PLCH2: variants seen among roughly 807,000 people sequenced by gnomAD.
The protein encoded by PLCH2 is phospholipase C eta 2.
Under a neutral mutation model 134.7 loss-of-function variants are expected in PLCH2, and 98 were observed. That is an observed-to-expected ratio of 0.73 (90% CI 0.62 to 0.86). The LOEUF is 0.86. Ranked by LOEUF, PLCH2 falls within the 40% of genes least tolerant of loss-of-function variation. PLCH2 has a pLI of 0.00. For missense variants in PLCH2, 1,994 were observed against 1,986.6 expected, an observed-to-expected ratio of 1.00 and a Z score of -0.07; for synonymous variants, 974 against 827.5, an observed-to-expected ratio of 1.18 and a Z score of -3.04.
At chr1:2,475,450 G>A (rs1159702268), upstream of PLCH2, among the ~76,000 whole-genome samples, 1 of 152,234 alleles carries the variant, frequency 6.6e-6, no homozygotes, top group Non-Finnish European at 1.5e-5. Flanking sequence ...CATTCCCACA[G>A]CTGCCCCTGG....
At chr1:2,425,246 AACAC>A (rs908497967), upstream of PLCH2, among the ~76,000 whole-genome samples, 6 of 143,728 alleles carry the variant, frequency 4.2e-5, no homozygotes, top group East Asian at 1.9e-4. Flanking sequence ...ACACATATGT[AACAC>A]ACACATACAT....
chr1:2,488,569 C>A (rs891207344), intron 8 of PLCH2, among the ~76,000 whole-genome samples: 1 of 152,268 alleles, frequency 6.6e-6, no homozygotes, highest in Admixed American at 6.5e-5. Flanking sequence ...CTCTGGGTCA[C>A]TTACATTTTC....
rs930508209 is a variant in PLCH2 at position 2,448,271 on chromosome 1, T to C, written c.115+17642T>C. ...CCGCACGCTTATTCTCTCGCAGTCCTGGAGGCTGGAAGTCTGAGGTCAGGG... is the reference window on the plus strand; with the variant it reads ...CCGCACGCTTATTCTCTCGCAGTCCCGGAGGCTGGAAGTCTGAGGTCAGGG... On this transcript the variant is annotated intron_variant, in intron 2 of 3. Transcript: ENST00000609981. The surrounding 1 kb of genome is among the most constrained non-coding windows in gnomAD (Gnocchi z 4.0). Among the ~76,000 whole-genome samples the C allele has an allele frequency of 8.5e-5, 13 of 152,162 alleles. No homozygotes were observed. The highest frequency in any genetic ancestry group is 3.1e-4 in the African/African-American group (13 of 41,430).
At chr1:2,432,122 G>A (rs779536064) in intron 2 of PLCH2, among the ~76,000 whole-genome samples, 1 of 152,194 alleles carries the variant, frequency 6.6e-6, no homozygotes, top group Non-Finnish European at 1.5e-5. Context: ...TGGGACTCAC[G>A]GCCATGGCTG....
chr1:2,501,671 G>A (rs113714869), intron 20 of PLCH2: 161 of 170,118 alleles, frequency 9.5e-4, no homozygotes, highest in African/African-American at 3.7e-3. Context: ...GCCTGAGGGT[G>A]GGGCACACAC....
intron 21 of PLCH2, chr1:2,503,238 C>A: frequency 1.8e-6 from 1 of 564,038 alleles, no homozygotes; most frequent in Non-Finnish European, 3.2e-6. Flanking sequence ...GGCGCTTCCC[C>A]AAACTCACCT....
In PLCH2 at chr1:2,489,673, C is replaced by T. The variant is rs968842245; in HGVS notation, c.1408-87C>T. 4.2e-5 allele frequency: 46 copies of T among 1,103,132 alleles called. 1 individual carries two copies. In the South Asian group the frequency reaches 5.4e-4, roughly 13 times the overall value. 68.3% of individuals were successfully genotyped at this position (1,103,132 alleles called of 1,614,324 possible). On this transcript the variant is annotated intron_variant, in intron 9 of 21. Transcript: ENST00000378486. ...CTGAGCTTGAGAAAAGGCCCCTCTCCTTGGCCGGCGGCTCTTTGTGGGTGC... is the reference window on the plus strand; with the variant it reads ...CTGAGCTTGAGAAAAGGCCCCTCTCTTTGGCCGGCGGCTCTTTGTGGGTGC...
intron 10 of PLCH2, among the ~76,000 whole-genome samples, chr1:2,490,745 C>T (rs781217379): frequency 7.9e-5 from 12 of 152,224 alleles, no homozygotes; most frequent in Non-Finnish European, 1.3e-4. Flanking sequence ...GCACCAGGGG[C>T]GTCTGACACC....
At chr1:2,497,650 C>T (rs528712874) in intron 16 of PLCH2, 41 bp downstream of exon 16, 104 of 1,322,474 alleles carry the variant, frequency 7.9e-5, no homozygotes, top group Non-Finnish European at 9.6e-5. Flanking sequence ...GCTCAGGGCT[C>T]GGATGGGCCT....
At chr1:2,438,526 C>T (rs185948105) in intron 2 of PLCH2, among the ~76,000 whole-genome samples, 1 of 152,288 alleles carries the variant, frequency 6.6e-6, no homozygotes, top group African/African-American at 2.4e-5. Flanking sequence ...TCGACCCTGG[C>T]CTCCATCAGA....
rs750970859 is a variant in PLCH2, at chr1:2,491,257, G to C, written c.1581G>C (p.Glu527Asp). Residue 527 changes from glutamate to aspartate, a missense_variant, in exon 11 of 22, where the codon GAG (glutamate) becomes GAC (aspartate). Around this residue, in one of 2 missense-constraint regions of PLCH2, gnomAD observed 1,094 missense variants for 1,234.3 expected, o/e 0.89. Coordinates refer to ENST00000378486, the MANE Select transcript of PLCH2 (RefSeq NM_014638.4). ...GGAAACTGGATTCCCTCATCAAAGAGTCGAAGATTCGGGACTGTGAGGACC... is the reference window on the plus strand; with the variant it reads ...GGAAACTGGATTCCCTCATCAAAGACTCGAAGATTCGGGACTGTGAGGACC... ...AKRKLDSLIK[E>D]SKIRDCEDPN... The C allele has an allele frequency of 1.2e-6, 2 of 1,613,366 alleles. No homozygotes were observed. The highest frequency in any genetic ancestry group is 1.7e-6 in the Non-Finnish European group (2 of 1,179,854).
At chr1:2,459,823 C>T (rs905266997) in intron 2 of PLCH2, among the ~76,000 whole-genome samples, 3 of 152,266 alleles carry the variant, frequency 2.0e-5, no homozygotes, top group Non-Finnish European at 2.9e-5. Context: ...AATTCACACG[C>T]AGGACCGGCC....
At chr1:2,428,350 G>A (rs554364643) in intron 1 of PLCH2, among the ~76,000 whole-genome samples, 1 of 152,350 alleles carries the variant, frequency 6.6e-6, no homozygotes, top group Non-Finnish European at 1.5e-5. Context: ...CCTCTGACCT[G>A]TAGGCCCTCT....
At chr1:2,440,547 G>A (rs77372647) in intron 2 of PLCH2, among the ~76,000 whole-genome samples, 2 of 118,022 alleles carry the variant, frequency 1.7e-5, no homozygotes, top group East Asian at 2.9e-4. Flanking sequence ...CATGTCTGTC[G>A]CTGGCCTTGC....
chr1:2,469,102 C>T (rs944159424), intron 1 of PLCH2, among the ~76,000 whole-genome samples: 9 of 152,180 alleles, frequency 5.9e-5, no homozygotes, highest in African/African-American at 2.2e-4. Flanking sequence ...GACCGCAGCC[C>T]CCATCCCAGG....
At chr1:2,419,024 C>G in the PLCH2 span, among the ~76,000 whole-genome samples, 25 of 152,356 alleles carry the variant, frequency 1.6e-4, no homozygotes, top group African/African-American at 5.5e-4. Flanking sequence ...TGCCCGACGC[C>G]TCTCTCTGCG....
At chr1:2,477,477 C>T (rs978890987) in intron 1 of PLCH2, among the ~76,000 whole-genome samples, 7 of 152,220 alleles carry the variant, frequency 4.6e-5, no homozygotes, top group African/African-American at 1.2e-4. Context: ...GGTCCCTCAG[C>T]GTGCAGACCT....
intron 21 of PLCH2, 115 bp from the exon 22 acceptor site, chr1:2,503,807 C>G (rs555070390): frequency 1.6e-6 from 1 of 617,734 alleles, no homozygotes; most frequent in Non-Finnish European, 2.9e-6. Context: ...CGACCCTCGG[C>G]ACAGGGCACC....
At position 2,476,303 on chromosome 1, in the gene PLCH2, C is replaced by G. The variant is rs1322233937; in HGVS notation, c.-286C>G. 2.9e-6 allele frequency: 1 copy of G among 348,802 alleles called. No homozygotes were observed. Among genetic ancestry groups the G allele is most frequent in the Non-Finnish European group, 5.2e-6 (1 of 193,620 alleles). The allele number at this position is 348,802 out of a possible 1,614,324, so 21.6% of individuals were successfully genotyped here. ...GCGGGGCTGAGGTCCTTTGCTCCCCCAGCCTTGGGAGGCGGCTGCGTCAGG... is the reference window on the plus strand; with the variant it reads ...GCGGGGCTGAGGTCCTTTGCTCCCCGAGCCTTGGGAGGCGGCTGCGTCAGG... On this transcript the variant is annotated 5_prime_UTR_variant, in exon 1 of 22. Transcript: ENST00000378486.
Sources: allele counts gnomAD v4.1 joint callset (sites outside exome capture counted in the v4.1 genomes callset), GRCh38; gene constraint gnomAD v4.1.1; regional missense constraint gnomAD v4.1.1; non-coding constraint Gnocchi (gnomAD v3.1); transcripts MANE v1.5; gene names NCBI Gene and HGNC (gene_info 2026-07-23, HGNC 2026-07-21).